MKLN1: variants seen among roughly 807,000 people sequenced by gnomAD.
MKLN1 encodes muskelin 1.
MKLN1 carries 18 observed loss-of-function variants against 99.0 expected under a neutral mutation model. The observed-to-expected ratio is 0.18, with a 90% CI of 0.13 to 0.27. MKLN1 has a LOEUF of 0.27. Among genes scored for constraint, MKLN1 ranks in the 10% least tolerant of loss-of-function variants. The pLI is 1.00. For missense variants in MKLN1, 621 were observed against 875.9 expected, an observed-to-expected ratio of 0.71 and a Z score of 3.67; for synonymous variants, 288 against 293.2, an observed-to-expected ratio of 0.98 and a Z score of 0.18.
intron 2 of MKLN1, among the ~76,000 whole-genome samples, chr7:131,193,794 A>T (rs1025426208): frequency 2.0e-5 from 3 of 151,884 alleles, no homozygotes; most frequent in Non-Finnish European, 4.4e-5. Flanking sequence ...AATTTTAAAA[A>T]TTTTTAAATT....
chr7:131,427,654 A>G (rs1795396323), intron 8 of MKLN1, among the ~76,000 whole-genome samples: 1 of 152,208 alleles, frequency 6.6e-6, no homozygotes, highest in East Asian at 1.9e-4. Flanking sequence ...CCCAGGTTCA[A>G]GTGATTCTCC....
upstream of MKLN1, among the ~76,000 whole-genome samples, chr7:131,325,461 C>T (rs1300084722): frequency 3.3e-5 from 5 of 151,990 alleles, no homozygotes; most frequent in East Asian, 1.9e-4. Context: ...GAGGCCAGGC[C>T]GAGGCAGGAG....
At chr7:131,429,314 G>A (rs1002617298) in intron 9 of MKLN1, among the ~76,000 whole-genome samples, 169 bp downstream of exon 9, 1 of 152,052 alleles carries the variant, frequency 6.6e-6, no homozygotes, top group Non-Finnish European at 1.5e-5. Context: ...TCTATAACTG[G>A]CTGTTCAGCT....
At chr7:131,318,227 A>G (rs1385634407) in intron 3 of MKLN1, among the ~76,000 whole-genome samples, 1 of 152,198 alleles carries the variant, frequency 6.6e-6, no homozygotes, top group Non-Finnish European at 1.5e-5. Context: ...ACTCCTTAGC[A>G]AATGCAAAAG....
chr7:131,402,962 T>TA (rs951613720), intron 6 of MKLN1, among the ~76,000 whole-genome samples: 1 of 152,176 alleles, frequency 6.6e-6, no homozygotes, highest in Non-Finnish European at 1.5e-5. Context: ...GACTTCCGCT[T>TA]AAAGTCACTA....
intron 1 of MKLN1, among the ~76,000 whole-genome samples, chr7:131,134,089 C>A (rs1795610877): frequency 6.6e-6 from 1 of 152,056 alleles, no homozygotes. Context: ...CTCGGCCTCC[C>A]AAAGTGCTGG....
At chr7:131,397,577 G>T (rs1267741087) in intron 5 of MKLN1, among the ~76,000 whole-genome samples, 1 of 152,142 alleles carries the variant, frequency 6.6e-6, no homozygotes, top group East Asian at 1.9e-4. Context: ...TGAGACAGGT[G>T]CACTTATTAT....
Position 131,243,037 on chromosome 7 carries a change from A to C in MKLN1, c.-179+40063A>C, listed in dbSNP as rs944550076. ...TTTGGTCATTAAAAATTAAACAGAA[A>C]AAAAAAAGGAAAGTTCACAGATGGC... On this transcript the variant is annotated intron_variant, in intron 3 of 7. Coordinates refer to the MKLN1 transcript ENST00000416992. The C allele has an allele frequency of 1.1e-5, 6 of 549,038 alleles. No homozygotes were observed. The Admixed American group carries it at 1.1e-4, about 10-fold the overall frequency. The allele number at this position is 549,038 out of a possible 1,614,324, so 34.0% of individuals were successfully genotyped here.
chr7:131,420,084 A>G (rs1416359274), intron 8 of MKLN1, among the ~76,000 whole-genome samples: 2 of 152,192 alleles, frequency 1.3e-5, no homozygotes, highest in African/African-American at 2.4e-5. Context: ...TATCATATAA[A>G]TGCTAAATGA....
intron 1 of MKLN1, among the ~76,000 whole-genome samples, chr7:131,123,435 A>G (rs1411590811): frequency 6.6e-6 from 1 of 152,240 alleles, no homozygotes. Context: ...TTTATGTGTC[A>G]TAAAATATCA....
chr7:131,358,609 A>G (rs190048847), intron 1 of MKLN1, among the ~76,000 whole-genome samples: 8 of 152,184 alleles, frequency 5.3e-5, no homozygotes, highest in African/African-American at 1.9e-4. Flanking sequence ...CATTGGTATC[A>G]TTGTTTTCTT....
chr7:131,171,983 A>G (rs1231420554), intron 2 of MKLN1, among the ~76,000 whole-genome samples: 3 of 152,210 alleles, frequency 2.0e-5, no homozygotes, highest in African/African-American at 7.2e-5. Context: ...GGGACATAGT[A>G]GCAGGTAGAT....
At position 131,263,368 on chromosome 7, in the gene MKLN1, T is replaced by TAATAATAATAAAAAA. The variant is rs373239401; in HGVS notation, c.-179+60399_-179+60400insTAATAAAAAAAATAA. 4.3e-4 allele frequency among the ~76,000 whole-genome samples: 60 copies of TAATAATAATAAAAAA among 140,408 alleles called. No homozygotes were observed. The East Asian group carries it at 7.4e-3, about 17-fold the overall frequency. 92.1% of individuals were successfully genotyped at this position (140,408 alleles called of 152,430 possible). On this transcript the variant is annotated intron_variant, in intron 3 of 7. Coordinates refer to the MKLN1 transcript ENST00000416992. The stretch of plus-strand genomic sequence containing the variant: ...TTATTAATAATAATAATAATAATAA[T>TAATAATAATAAAAAA]AATAAAATTAGCTGGGTGTGGTGGC...
intron 1 of MKLN1, among the ~76,000 whole-genome samples, chr7:131,358,004 A>G (rs1799931417): frequency 6.6e-6 from 1 of 152,196 alleles, no homozygotes; most frequent in Non-Finnish European, 1.5e-5. Flanking sequence ...CAGTCCTGTC[A>G]TCTGTGAATG....
intron 2 of MKLN1, among the ~76,000 whole-genome samples, chr7:131,161,950 C>CGTGT (rs71527988): frequency 1.1e-4 from 6 of 55,318 alleles, no homozygotes; most frequent in African/African-American, 5.2e-4. Context: ...CATATATATA[C>CGTGT]GTGTGTGTGT....
chr7:131,275,552 TATATATATATATATA>T (rs1464889917), intron 3 of MKLN1, among the ~76,000 whole-genome samples: 24 of 23,058 alleles, frequency 1.0e-3, no homozygotes, highest in African/African-American at 5.3e-3. Context: ...TATATATATA[TATATATATATATATA>T]TTTTTTTTTT....
chr7:131,460,697 T>G (rs1317291875), intron 12 of MKLN1, among the ~76,000 whole-genome samples: 2 of 152,188 alleles, frequency 1.3e-5, no homozygotes. Context: ...GTAATAATTG[T>G]AGGTGAAAAC....
chr7:131,157,227 A>AAAAAT (rs1360400642), intron 2 of MKLN1, among the ~76,000 whole-genome samples: 1 of 151,996 alleles, frequency 6.6e-6, no homozygotes, highest in Non-Finnish European at 1.5e-5. Context: ...AAAAAATACA[A>AAAAAT]AAAATAAAAT....
intron 10 of MKLN1, 51 bp downstream of exon 10, chr7:131,438,048 C>A: frequency 7.3e-7 from 1 of 1,367,510 alleles, no homozygotes. Context: ...CTTAGTGATT[C>A]TTGCAATTAG....
Sources: allele counts gnomAD v4.1 joint callset (sites outside exome capture counted in the v4.1 genomes callset), GRCh38; gene constraint gnomAD v4.1.1; transcripts MANE v1.5; gene names NCBI Gene and HGNC (gene_info 2026-07-23, HGNC 2026-07-21).